The following FHL2 variants were observed in gnomAD, a reference collection of about 807,000 sequenced individuals.
FHL2 encodes the protein four and a half LIM domains 2.
FHL2 carries 20 observed loss-of-function variants against 32.7 expected under a neutral mutation model. The ratio of observed to expected loss-of-function variants is 0.61; its 90% CI spans 0.43 to 0.89. The LOEUF (loss-of-function observed/expected upper bound fraction) is 0.89. Ranked by LOEUF, FHL2 falls within the 40% of genes least tolerant of loss-of-function variation. FHL2 has a pLI of 0.00. For missense variants in FHL2, 311 were observed against 358.6 expected, an observed-to-expected ratio of 0.87 and a Z score of 1.07; for synonymous variants, 123 against 128.1, an observed-to-expected ratio of 0.96 and a Z score of 0.27.
At chr2:105,410,760 C>T (rs1256862235) in intron 1 of FHL2, among the ~76,000 whole-genome samples, 1 of 152,054 alleles carries the variant, frequency 6.6e-6, no homozygotes, top group Non-Finnish European at 1.5e-5. Flanking sequence ...CCTGAGGTGT[C>T]CACACTGGTG....
Position 105,410,662 on chromosome 2 carries a change from G to A in FHL2, c.-24-24122C>T, listed in dbSNP as rs1005943422. Among the ~76,000 whole-genome samples the A allele has an allele frequency of 3.3e-5, 5 of 152,260 alleles. 1 individual carries two copies. In the South Asian group the frequency reaches 1.0e-3, roughly 32 times the overall value. On this transcript the variant is annotated intron_variant, in intron 1 of 5. Transcript: ENST00000393352. ...ACCAACACATTGGTCTTTCTCAGAC[G>A]AGAAGGATTCTTGGCACAGGCAAGC...
intron 3 of FHL2, among the ~76,000 whole-genome samples, chr2:105,381,074 G>A (rs1681854022): frequency 1.3e-5 from 2 of 152,070 alleles, no homozygotes; most frequent in African/African-American, 4.8e-5. Context: ...GGGTGGCAGG[G>A]TCACCCAGAC....
exon 1 of FHL2, chr2:105,438,461 G>A (rs1684679695): frequency 1.0e-6 from 1 of 985,516 alleles, no homozygotes; most frequent in Admixed American, 6.1e-5. Flanking sequence ...CTGCTGTGCA[G>A]GCGGACTGCC....
At chr2:105,420,277 T>C (rs1279797866) in intron 1 of FHL2, among the ~76,000 whole-genome samples, 1 of 152,198 alleles carries the variant, frequency 6.6e-6, no homozygotes, top group Non-Finnish European at 1.5e-5. Flanking sequence ...CCTTGGCTTG[T>C]AGACTCACTT....
intron 3 of FHL2, among the ~76,000 whole-genome samples, chr2:105,384,635 G>A (rs1266497896): frequency 6.6e-6 from 1 of 152,188 alleles, no homozygotes; most frequent in Non-Finnish European, 1.5e-5. Flanking sequence ...AGCCTCTCAA[G>A]TAGCTGGGAT....
chr2:105,416,346 T>A (rs1683938002), intron 1 of FHL2, among the ~76,000 whole-genome samples: 1 of 152,226 alleles, frequency 6.6e-6, no homozygotes, highest in Non-Finnish European at 1.5e-5. Context: ...CATGTCTGCT[T>A]CTGCATTCGA....
chr2:105,389,854 C>T (rs1004063063), intron 2 of FHL2: 2 of 152,198 alleles, frequency 1.3e-5, no homozygotes, highest in East Asian at 3.9e-4. Context: ...AGGTAATAAT[C>T]GTGATCACGG....
intron 1 of FHL2, among the ~76,000 whole-genome samples, chr2:105,397,488 A>T (rs1412789799): frequency 1.3e-5 from 2 of 152,122 alleles, no homozygotes; most frequent in East Asian, 3.9e-4. Context: ...ACCCGGATGT[A>T]AATTTAGGCA....
upstream of FHL2, chr2:105,399,065 G>T: frequency 6.7e-7 from 1 of 1,492,910 alleles, no homozygotes. Flanking sequence ...GCGCTGCGCA[G>T]CTCCCGCCCT....
At chr2:105,396,175 C>T (rs4851765) in intron 2 of FHL2, among the ~76,000 whole-genome samples, 107,288 of 152,132 alleles carry the variant, frequency 0.71, 37,989 homozygotes, top group African/African-American at 0.76. Context: ...AGAGATTTAT[C>T]GCAATGATTT....
rs535414503 is a variant in FHL2, at chr2:105,418,888, C to G, written c.-25+19511G>C. ...ATTTATTGTTAATCTCTTACGGTGA[C>G]TAGTTTATAAGTTAAAATTTATCAT... On this transcript the variant is annotated intron_variant, in intron 1 of 5. Coordinates refer to the FHL2 transcript ENST00000393352. 6.6e-5 allele frequency among the ~76,000 whole-genome samples: 10 copies of G among 152,196 alleles called. No individual in the cohort carries two copies. In the East Asian group the frequency reaches 1.9e-3, roughly 29 times the overall value.
intron 1 of FHL2, among the ~76,000 whole-genome samples, chr2:105,397,889 T>TTTG (rs1553421753): frequency 2.9e-5 from 2 of 70,160 alleles, no homozygotes; most frequent in African/African-American, 6.6e-5. Context: ...TTGTTTTTTG[T>TTTG]TTTTTTTTGT....
intron 1 of FHL2, among the ~76,000 whole-genome samples, chr2:105,424,741 C>A (rs981751271): frequency 6.6e-6 from 1 of 152,104 alleles, no homozygotes; most frequent in African/African-American, 2.4e-5. Flanking sequence ...ATGGATGAAG[C>A]TGGAACATTC....
In FHL2 at chr2:105,435,943, A is replaced by G. The variant is rs150365465; in HGVS notation, c.-25+2456T>C. Among the ~76,000 whole-genome samples, 769 of 152,338 alleles carry G rather than the reference A, an allele frequency of 5.0e-3. 6 individuals carry two copies. Among genetic ancestry groups the G allele is most frequent in the African/African-American group, 0.018 (729 of 41,572 alleles). On this transcript the variant is annotated intron_variant, in intron 1 of 5. Transcript: ENST00000393352. ...TAATAAAACAGATCAAGTATGTTTT[A>G]TGCATTGTTGCCTTGATATGGTCTT...
chr2:105,404,005 G>A (rs72836927), upstream of FHL2, among the ~76,000 whole-genome samples: 22 of 152,104 alleles, frequency 1.4e-4, no homozygotes, highest in African/African-American at 4.8e-4. Flanking sequence ...GTGGGGTCGT[G>A]GGGGGGAGGC....
At chr2:105,360,132 C>T (rs1052738261), downstream of FHL2, 1 of 152,062 alleles carries the variant, frequency 6.6e-6, no homozygotes, top group South Asian at 2.1e-4. Context: ...GAAACCCCAT[C>T]TCTACTAAAA....
At chr2:105,381,485 C>A (rs1681882491) in intron 3 of FHL2, among the ~76,000 whole-genome samples, 1 of 152,094 alleles carries the variant, frequency 6.6e-6, no homozygotes, top group South Asian at 2.1e-4. Flanking sequence ...AGATTTGGTT[C>A]CGGGGTCCAG....
chr2:105,405,130 C>T (rs143325019), intron 1 of FHL2, among the ~76,000 whole-genome samples: 5 of 152,314 alleles, frequency 3.3e-5, no homozygotes, highest in East Asian at 3.9e-4. Context: ...CTCTGAAAAA[C>T]TTTGCTTCTT....
In FHL2 at chr2:105,363,885, A is replaced by G. The variant is rs201385607; in HGVS notation, c.502-414T>C. Among the ~76,000 whole-genome samples, 18 of 152,290 alleles carry G rather than the reference A, an allele frequency of 1.2e-4. 1 individual carries two copies. In the East Asian group the frequency reaches 3.5e-3, roughly 29 times the overall value. On this transcript the variant is annotated intron_variant, in intron 5 of 6. Coordinates refer to ENST00000530340, the MANE Select transcript of FHL2 (RefSeq NM_001318895.3). ...CCTGTGGCTGGGAGCAGGTCATGAT[A>G]AAGATCTCTGCACTTCAGTTTTCTC...
Sources: allele counts gnomAD v4.1 joint callset (sites outside exome capture counted in the v4.1 genomes callset), GRCh38; gene constraint gnomAD v4.1.1; transcripts MANE v1.5; gene names NCBI Gene and HGNC (gene_info 2026-07-23, HGNC 2026-07-21).